INTS10: variants seen among roughly 807,000 people sequenced by gnomAD.
INTS10 encodes integrator complex subunit 10.
In INTS10, 44 loss-of-function variants were observed where a neutral mutation model predicts 94.4. That is an observed-to-expected ratio of 0.47 (90% CI 0.37 to 0.60). The LOEUF (loss-of-function observed/expected upper bound fraction) is 0.60. Ranked by LOEUF, INTS10 falls within the 20% of genes least tolerant of loss-of-function variation. The probability of loss-of-function intolerance (pLI) is 0.00; values close to 1 mark genes in which losing one functional copy is unlikely to be tolerated. For missense variants in INTS10, 797 were observed against 868.7 expected (o/e 0.92, Z 1.04); for synonymous variants, 341 against 320.7 (o/e 1.06, Z -0.68).
Position 19,833,332 on chromosome 8 carries a change from C to T in INTS10, c.1530+11C>T. 1 of 1,561,162 alleles carries T rather than the reference C, an allele frequency of 6.4e-7. No individual in the cohort carries two copies. The highest frequency in any genetic ancestry group is 8.7e-7 in the Non-Finnish European group (1 of 1,154,940). On this transcript the variant is annotated intron_variant, in intron 12 of 16. Coordinates refer to ENST00000397977, the MANE Select transcript of INTS10 (RefSeq NM_018142.4). ...CTAGGGGAGTACAGAGTGAGTACTG[C>T]ACACATACATGCCTGCCGCAGGTGC...
At chr8:19,844,542 G>A (rs1335893129) in intron 15 of INTS10, among the ~76,000 whole-genome samples, 2 of 152,140 alleles carry the variant, frequency 1.3e-5, no homozygotes, top group East Asian at 1.9e-4. Context: ...CAGCTTGCCC[G>A]GTTTAGTCAA....
At chr8:19,832,173 G>A in intron 11 of INTS10, 63 bp downstream of exon 11, 1 of 876,202 alleles carries the variant, frequency 1.1e-6, no homozygotes, top group African/African-American at 1.6e-5. Flanking sequence ...TGGCAAACCA[G>A]CTTTCCTATG....
Position 19,818,297 on chromosome 8 carries a change from G to A in INTS10, c.152G>A (p.Arg51Gln), listed in dbSNP as rs758917092. The A allele has an allele frequency of 3.7e-5, 59 of 1,614,048 alleles. No individual in the cohort carries two copies. Among genetic ancestry groups the A allele is most frequent in the African/African-American group, 1.3e-5 (1 of 74,920 alleles). Reference protein sequence around the residue: ...NIQYEMYTIERNAERTATAGR... With the variant: ...NIQYEMYTIEQNAERTATAGR... ...CAGTATGAGATGTACACCATCGAGC[G>A]GAATGCAGAGCGGACCGCCACCGCC... The change falls in exon 2 of 17, where the codon CGG (arginine) becomes CAG (glutamine). Residue 51 changes from arginine (R) to glutamine (Q), a missense_variant. Around this residue, in one of 3 missense-constraint regions of INTS10, gnomAD observed 734 missense variants for 787.8 expected, o/e 0.93. Coordinates refer to ENST00000397977, the MANE Select transcript of INTS10 (RefSeq NM_018142.4).
Position 19,820,464 on chromosome 8 carries a change from A to C in INTS10, c.387A>C (p.Ser129=). Residue 129 remains serine, a synonymous_variant, in exon 4 of 17, where the codon TCA becomes TCC. Transcript: ENST00000397977. ...AATGCTTCAACACGTTAGAACGATC[A>C]GAAATGTTGCTTCTACTTTTGAGGC... ...TEQCFNTLER[S]EMLLLLLRRF... 4 of 1,613,186 alleles carry C rather than the reference A, an allele frequency of 2.5e-6. No homozygotes were observed. The highest frequency in any genetic ancestry group is 3.4e-6 in the Non-Finnish European group (4 of 1,179,244).
chr8:19,841,315 A>G (rs745755779), intron 13 of INTS10, among the ~76,000 whole-genome samples: 4 of 152,244 alleles, frequency 2.6e-5, no homozygotes, highest in Non-Finnish European at 4.4e-5. Context: ...AAAGATTAGT[A>G]AATTTGATCA....
intron 3 of INTS10, 55 bp from the exon 4 acceptor site, chr8:19,820,324 C>G: frequency 1.9e-6 from 3 of 1,551,598 alleles, no homozygotes; most frequent in Non-Finnish European, 2.6e-6. Flanking sequence ...AGCACTGTTG[C>G]TGCAGTCTTT....
Position 19,823,311 on chromosome 8 carries a change from C to T in INTS10, c.534C>T (p.Val178=), listed in dbSNP as rs778775942. Residue 178 remains valine, a synonymous_variant, in exon 6 of 17, where the codon GTC becomes GTT. Transcript: ENST00000397977. ...NCFRKLFVCD[V]LPLIINNHDV... is the part of the protein sequence containing the mutation. ...TTTCTCCTCCAACAGTTTGTGATGTCCTTCCTCTAATAATTAACAACCATG... is the reference window on the plus strand; with the variant it reads ...TTTCTCCTCCAACAGTTTGTGATGTTCTTCCTCTAATAATTAACAACCATG... 1.2e-6 allele frequency: 2 copies of T among 1,607,678 alleles called. No homozygotes were observed. The highest frequency in any genetic ancestry group is 3.3e-5 in the Admixed American group (2 of 59,866).
intron 12 of INTS10, among the ~76,000 whole-genome samples, chr8:19,835,757 T>C (rs969950638): frequency 6.6e-6 from 1 of 152,216 alleles, no homozygotes; most frequent in Non-Finnish European, 1.5e-5. Flanking sequence ...AGGTGGGTTC[T>C]AGAGGTGCCA....
intron 15 of INTS10, among the ~76,000 whole-genome samples, chr8:19,844,825 T>C (rs907846795): frequency 2.2e-4 from 33 of 152,236 alleles, no homozygotes; most frequent in Non-Finnish European, 8.8e-5. Flanking sequence ...GTTTATCTTA[T>C]TACATTATTT....
chr8:19,836,968 G>T (rs2067713188), intron 12 of INTS10, 84 bp from the exon 13 acceptor site: 2 of 852,566 alleles, frequency 2.3e-6, no homozygotes, highest in Admixed American at 3.6e-5. Context: ...TTGCCTGATT[G>T]TATGCTGCAA....
In INTS10 at chr8:19,848,848, A is replaced by G. The variant is rs144534302; in HGVS notation, c.1977-2801A>G. On this transcript the variant is annotated intron_variant, in intron 16 of 16. Coordinates refer to ENST00000397977, the MANE Select transcript of INTS10 (RefSeq NM_018142.4). ...TTCTCAAAGGCTGCCCCTACTCCCT[A>G]TTGCCATTCAGCTGCATTCCATCAT... 3.9e-5 allele frequency: 7 copies of G among 178,122 alleles called. No individual in the cohort carries two copies. In the East Asian group the frequency reaches 6.3e-4, roughly 16 times the overall value. The allele number at this position is 178,122 out of a possible 1,614,324, so 11.0% of individuals were successfully genotyped here. A position where few individuals can be genotyped will look rare whatever the true frequency, so the allele number is the denominator to read the frequency against.
chr8:19,818,546 T>A, intron 2 of INTS10: 1 of 556,034 alleles, frequency 1.8e-6, no homozygotes, highest in South Asian at 2.3e-5. Flanking sequence ...TTCTTATGTT[T>A]TATCCTTGTT....
intron 12 of INTS10, among the ~76,000 whole-genome samples, chr8:19,834,229 A>G (rs1439281666): frequency 6.6e-6 from 1 of 152,196 alleles, no homozygotes; most frequent in African/African-American, 2.4e-5. Flanking sequence ...AGGCCACAGC[A>G]TAACACAAAC....
Position 19,826,475 on chromosome 8 carries a change from G to A in INTS10, c.1056G>A (p.Ser352=), listed in dbSNP as rs374760841. The A allele has an allele frequency of 2.7e-5, 44 of 1,612,538 alleles. No homozygotes were observed. The highest frequency in any genetic ancestry group is 5.0e-5 in the Admixed American group (3 of 59,676). The change falls in exon 9 of 17, where the codon TCG becomes TCA. Residue 352 remains serine, a synonymous_variant. Transcript: ENST00000397977. ...QVPLVLLEDV[S]NVYGDVEIDR... ...CACTGGTTCTTCTTGAAGATGTATCGAATGTGTATGGTGATGTAGAAATTG... is the reference window on the plus strand; with the variant it reads ...CACTGGTTCTTCTTGAAGATGTATCAAATGTGTATGGTGATGTAGAAATTG...
At chr8:19,845,852 G>C (rs1320080379) in intron 16 of INTS10, 55 bp downstream of exon 16, 22 of 1,231,554 alleles carry the variant, frequency 1.8e-5, no homozygotes, top group African/African-American at 3.0e-5. Flanking sequence ...TTGTGTCTTT[G>C]TATGAAGTAT....
intron 13 of INTS10, among the ~76,000 whole-genome samples, chr8:19,842,134 A>G (rs1168319325): frequency 6.6e-6 from 1 of 152,254 alleles, no homozygotes; most frequent in East Asian, 1.9e-4. Context: ...GTAAGAATGT[A>G]TATTTATCAT....
intron 16 of INTS10, among the ~76,000 whole-genome samples, chr8:19,847,828 T>C (rs1443825126): frequency 6.6e-6 from 1 of 152,158 alleles, no homozygotes; most frequent in Non-Finnish European, 1.5e-5. Context: ...GGAAGAGTGT[T>C]TGGAGTTGTT....
In INTS10 at chr8:19,817,455, C is replaced by A; in HGVS notation, c.-83C>A. 1 of 1,524,834 alleles carries A rather than the reference C, an allele frequency of 6.6e-7. No homozygotes were observed. Among genetic ancestry groups the A allele is most frequent in the Non-Finnish European group, 8.8e-7 (1 of 1,138,284 alleles). The allele number at this position is 1,524,834 out of a possible 1,614,324, so 94.5% of individuals were successfully genotyped here. A position where few individuals can be genotyped will look rare whatever the true frequency, so the allele number is the denominator to read the frequency against. ...GCCTCCCCCGCGGTGGCGGCGGCGG[C>A]GGCGGTGGCTGCCGTGGCGGCTGAG... On this transcript the variant is annotated 5_prime_UTR_variant, in exon 1 of 17. Coordinates refer to ENST00000397977, the MANE Select transcript of INTS10 (RefSeq NM_018142.4).
chr8:19,823,681 T>C (rs974098882), intron 6 of INTS10, among the ~76,000 whole-genome samples, 192 bp from the exon 7 acceptor site: 2 of 152,172 alleles, frequency 1.3e-5, no homozygotes, highest in Non-Finnish European at 2.9e-5. Flanking sequence ...ATTACAAATG[T>C]ACCATGATGA....
Sources: allele counts gnomAD v4.1 joint callset (sites outside exome capture counted in the v4.1 genomes callset), GRCh38; gene constraint gnomAD v4.1.1; regional missense constraint gnomAD v4.1.1; transcripts MANE v1.5; gene names NCBI Gene and HGNC (gene_info 2026-07-23, HGNC 2026-07-21).